SLC35D1: variants seen among roughly 807,000 people sequenced by gnomAD.
SLC35D1 encodes the protein solute carrier family 35 member D1.
Under a neutral mutation model 46.7 loss-of-function variants are expected in SLC35D1, and 31 were observed. That is an observed-to-expected ratio of 0.66 (90% confidence interval 0.50 to 0.90). SLC35D1 has a LOEUF of 0.90. Ranked by LOEUF, SLC35D1 falls within the 40% of genes least tolerant of loss-of-function variation. The pLI, the probability that SLC35D1 is intolerant of heterozygous loss-of-function variation, is 0.00. For missense variants in SLC35D1, 397 were observed against 426.2 expected, an observed-to-expected ratio of 0.93 and a Z score of 0.60; for synonymous variants, 195 against 164.6, an observed-to-expected ratio of 1.18 and a Z score of -1.41.
chr1:66,997,084 G>A (rs1488455758), downstream of SLC35D1, among the ~76,000 whole-genome samples: 1 of 152,092 alleles, frequency 6.6e-6, no homozygotes, highest in East Asian at 1.9e-4. Context: ...CAAAAGCACA[G>A]GCAACAAGAG....
chr1:67,012,750 G>A (rs569146869), intron 10 of SLC35D1, among the ~76,000 whole-genome samples: 25 of 152,204 alleles, frequency 1.6e-4, no homozygotes, highest in Non-Finnish European at 3.7e-4. Context: ...TAGATCCCCT[G>A]TGGGATTCAC....
rs1558145928 is a variant in SLC35D1 at position 67,000,151 on chromosome 1, C to T, written c.*4189G>A. The T allele has an allele frequency of 6.6e-6, 1 of 151,346 alleles. No individual in the cohort carries two copies. The highest frequency in any genetic ancestry group is 1.5e-5 in the Non-Finnish European group (1 of 67,922). 9.4% of individuals were successfully genotyped at this position (151,346 alleles called of 1,614,324 possible). On this transcript the variant is annotated 3_prime_UTR_variant, in exon 12 of 12. Transcript: ENST00000235345. The stretch of plus-strand genomic sequence containing the variant: ...AAGAAACGAGCCAGGCGTAATGGCA[C>T]ATGCCTATAGTCGTAGCTACTTAGC...
chr1:67,045,939 G>C (rs1645246826), intron 7 of SLC35D1, among the ~76,000 whole-genome samples: 2 of 152,096 alleles, frequency 1.3e-5, no homozygotes, highest in Non-Finnish European at 2.9e-5. Context: ...AGCAGCAAAT[G>C]GGCTGAAGAA....
chr1:67,039,116 C>T (rs1444460696), intron 8 of SLC35D1, among the ~76,000 whole-genome samples: 1 of 152,120 alleles, frequency 6.6e-6, no homozygotes, highest in Non-Finnish European at 1.5e-5. Flanking sequence ...GAAGTTTTCC[C>T]TCTTCTGCCT....
chr1:66,975,344 T>C, the SLC35D1 span, among the ~76,000 whole-genome samples: 1 of 152,040 alleles, frequency 6.6e-6, no homozygotes, highest in South Asian at 2.1e-4. Context: ...CTAGGCAACA[T>C]GGCAAAACCC....
At chr1:67,031,326 G>C (rs1028171826) in intron 8 of SLC35D1, among the ~76,000 whole-genome samples, 2 of 152,080 alleles carry the variant, frequency 1.3e-5, no homozygotes, top group Non-Finnish European at 2.9e-5. Context: ...GCAGCCATTT[G>C]AAAGTACAGC....
At chr1:66,984,736 C>T in the SLC35D1 span, 69 of 1,613,900 alleles carry the variant, frequency 4.3e-5, 1 homozygote, top group South Asian at 7.5e-4. Flanking sequence ...AAAACTTGCC[C>T]ATATGACTGC....
In SLC35D1 at chr1:67,020,428, TGGCGTACATTAA is replaced by T. The variant is rs775324564; in HGVS notation, c.805_816del (p.Leu269_Ala272del). Reference sequence around the variant, plus strand: ...GAATTATACTGCGTGCAGAGTACTGTGGCGTACATTAAGATAAACCTAGAATGAAGAAAGAGG... The same window carrying T: ...GAATTATACTGCGTGCAGAGTACTGTGATAAACCTAGAATGAAGAAAGAGG... On this transcript the variant is annotated inframe_deletion, in exon 10 of 12. Coordinates refer to ENST00000235345, the MANE Select transcript of SLC35D1 (RefSeq NM_015139.3). The T allele has an allele frequency of 1.2e-6, 2 of 1,609,772 alleles. No homozygotes were observed. Among genetic ancestry groups the T allele is most frequent in the Non-Finnish European group, 1.7e-6 (2 of 1,176,138 alleles).
At chr1:66,976,757 A>G in the SLC35D1 span, 2 of 1,484,834 alleles carry the variant, frequency 1.3e-6, no homozygotes, top group South Asian at 2.7e-5. Flanking sequence ...CTATATATAC[A>G]TTTTTGCTAA....
intron 10 of SLC35D1, among the ~76,000 whole-genome samples, chr1:67,009,813 C>G (rs995770731): frequency 6.6e-6 from 1 of 152,166 alleles, no homozygotes; most frequent in African/African-American, 2.4e-5. Context: ...TACCATTTGA[C>G]CCAGCAATCC....
chr1:67,033,850 T>G (rs1022991950), intron 8 of SLC35D1, among the ~76,000 whole-genome samples: 1 of 152,214 alleles, frequency 6.6e-6, no homozygotes, highest in Admixed American at 6.5e-5. Context: ...CCATTATGAT[T>G]TGATTTTTGT....
intron 10 of SLC35D1, 48 bp downstream of exon 10, chr1:67,020,321 T>C: frequency 1.6e-6 from 2 of 1,258,058 alleles, no homozygotes; most frequent in African/African-American, 2.9e-5. Flanking sequence ...AAAGGAACAA[T>C]TTTCAAATAA....
the SLC35D1 span, among the ~76,000 whole-genome samples, chr1:66,979,709 A>G: frequency 1.4e-4 from 22 of 151,968 alleles, no homozygotes; most frequent in Non-Finnish European, 2.6e-4. Flanking sequence ...AATTATGACT[A>G]TATCCAGAAA....
chr1:67,000,732 T>C lies in SLC35D1; in HGVS notation c.*3608A>G, dbSNP rs1163930754. Reference sequence around the variant, plus strand: ...TTTCCTCAGGGAGAGAAAAATCAATTACAGTCTTGTTCATAGGAAAAACCA... The same window carrying C: ...TTTCCTCAGGGAGAGAAAAATCAATCACAGTCTTGTTCATAGGAAAAACCA... On this transcript the variant is annotated 3_prime_UTR_variant, in exon 12 of 12. Coordinates refer to ENST00000235345, the MANE Select transcript of SLC35D1 (RefSeq NM_015139.3). The C allele has an allele frequency of 1.3e-5, 2 of 152,304 alleles. No individual in the cohort carries two copies. Among genetic ancestry groups the C allele is most frequent in the Admixed American group, 6.5e-5 (1 of 15,276 alleles). The allele number at this position is 152,304 out of a possible 1,614,324, so 9.4% of individuals were successfully genotyped here. A position where few individuals can be genotyped will look rare whatever the true frequency, so the allele number is the denominator to read the frequency against.
chr1:67,021,051 A>G (rs1667787527), intron 9 of SLC35D1, among the ~76,000 whole-genome samples: 1 of 151,714 alleles, frequency 6.6e-6, no homozygotes, highest in Non-Finnish European at 1.5e-5. Flanking sequence ...CTGGCTGAGG[A>G]AAAAAAACAC....
At chr1:67,044,116 G>A (rs1027207403) in intron 7 of SLC35D1, among the ~76,000 whole-genome samples, 4 of 152,228 alleles carry the variant, frequency 2.6e-5, no homozygotes, top group Non-Finnish European at 2.9e-5. Context: ...CAGGCGGATC[G>A]CCTGAGGTCA....
At chr1:67,050,600 C>A in intron 4 of SLC35D1, 96 bp from the exon 5 acceptor site, 1 of 963,034 alleles carries the variant, frequency 1.0e-6, no homozygotes, top group Non-Finnish European at 1.6e-6. Flanking sequence ...GCTATTCTTC[C>A]ATTATGGAAA....
chr1:66,989,957 C>T, the SLC35D1 span, among the ~76,000 whole-genome samples: 1 of 152,188 alleles, frequency 6.6e-6, no homozygotes, highest in African/African-American at 2.4e-5. Flanking sequence ...CTCTTGTCAC[C>T]AGCTGTGCTT....
chr1:66,986,816 A>G, the SLC35D1 span: 1 of 190,152 alleles, frequency 5.3e-6, no homozygotes, highest in South Asian at 1.5e-4. Context: ...TAGCAAGCAG[A>G]TGGTCACAAT....
Sources: allele counts gnomAD v4.1 joint callset (sites outside exome capture counted in the v4.1 genomes callset), GRCh38; gene constraint gnomAD v4.1.1; transcripts MANE v1.5; gene names NCBI Gene and HGNC (gene_info 2026-07-23, HGNC 2026-07-21).